The following ZNF565 variants were observed in gnomAD, a reference collection of about 807,000 sequenced individuals.
The protein encoded by ZNF565 is zinc finger protein 565.
Under a neutral mutation model 39.4 loss-of-function variants are expected in ZNF565, and 27 were observed. That is an observed-to-expected ratio of 0.69 (90% CI 0.51 to 0.95). The LOEUF is 0.95. ZNF565 is among the 40% of genes least tolerant of loss of function. The probability of loss-of-function intolerance (pLI) is 0.00; values close to 1 mark genes in which losing one functional copy is unlikely to be tolerated. For synonymous variants in ZNF565, 185 were observed against 216.6 expected (o/e 0.85, Z 1.28); for missense variants, 524 against 621.1 (o/e 0.84, Z 1.66).
At chr19:36,229,007 C>G (rs1977201984) in intron 1 of ZNF565, among the ~76,000 whole-genome samples, 2 of 152,198 alleles carry the variant, frequency 1.3e-5, no homozygotes, top group South Asian at 2.1e-4. Flanking sequence ...TCACCAGATT[C>G]TAGAGGGGCC....
chr19:36,195,239 C>A, intron 2 of ZNF565, 83 bp from the exon 3 acceptor site: 1 of 1,530,976 alleles, frequency 6.5e-7, no homozygotes. Context: ...CACAAAAGTA[C>A]AGAGAATAGT....
At chr19:36,230,161 G>T (rs1273465830) in intron 1 of ZNF565, among the ~76,000 whole-genome samples, 1 of 152,224 alleles carries the variant, frequency 6.6e-6, no homozygotes, top group African/African-American at 2.4e-5. Context: ...TACTTTTTAA[G>T]TGGAATACAG....
chr19:36,194,325 A>G lies in ZNF565; in HGVS notation c.140T>C (p.Leu47Pro), dbSNP rs1975681004. Residue 47 changes from leucine (L) to proline (P), a missense_variant, in exon 4 of 5, where the codon CTC becomes CCC. Leu to Pro is a moderately conservative substitution (Grantham distance 98). Transcript: ENST00000304116. ...ENFGHLASLG[L>P]SISKPDVVSL... The stretch of plus-strand genomic sequence containing the variant: ...GACGACATCAGGCTTAGAAATGGAG[A>G]GTCCTGTTTACAGGAAAAGAAATGG... 1.9e-6 allele frequency: 3 copies of G among 1,608,232 alleles called. No homozygotes were observed. Among genetic ancestry groups the G allele is most frequent in the Non-Finnish European group, 2.5e-6 (3 of 1,177,118 alleles).
At position 36,245,712 on chromosome 19, in the gene ZNF565, C is replaced by G. The variant is rs2029893881; in HGVS notation, c.-182G>C. 1 of 599,772 alleles carries G rather than the reference C, an allele frequency of 1.7e-6. No individual in the cohort carries two copies. The highest frequency in any genetic ancestry group is 3.0e-6 in the Non-Finnish European group (1 of 335,348). 37.2% of individuals were successfully genotyped at this position (599,772 alleles called of 1,614,324 possible). A position where few individuals can be genotyped will look rare whatever the true frequency, so the allele number is the denominator to read the frequency against. On this transcript the variant is annotated 5_prime_UTR_variant, in exon 1 of 5. Transcript: ENST00000355114. This position sits in a 1 kb window ranked among gnomAD's most constrained non-coding sequence, Gnocchi z 4.4. Reference sequence around the variant, plus strand: ...TAAGGACCCTCCGTTGACGATGCCTCGAGCTATGACCCACCCTGGCTCCGT... The same window carrying G: ...TAAGGACCCTCCGTTGACGATGCCTGGAGCTATGACCCACCCTGGCTCCGT...
At chr19:36,211,794 A>G in intron 1 of ZNF565, among the ~76,000 whole-genome samples, 1 of 145,258 alleles carries the variant, frequency 6.9e-6, no homozygotes, top group South Asian at 2.2e-4. Flanking sequence ...CTCTGTCTCA[A>G]AAAAAACAAA....
chr19:36,194,282 C>A lies in ZNF565; in HGVS notation c.183G>T (p.Gly61=). The A allele has an allele frequency of 6.2e-7, 1 of 1,613,070 alleles. No homozygotes were observed. Among genetic ancestry groups the A allele is most frequent in the Non-Finnish European group, 8.5e-7 (1 of 1,179,576 alleles). ...KPDVVSLLEQ[G]KEPWMIANDV... ...CATTTGCAATCATCCAGGGCTCTTT[C>A]CCTTGCTCCAATAAGGAGACGACAT... Residue 61 remains glycine (G), a synonymous_variant, in exon 4 of 5, where the codon GGG becomes GGT. Coordinates refer to ENST00000304116, the MANE Select transcript of ZNF565 (RefSeq NM_152477.5).
chr19:36,235,207 CAAAAA>C (rs112972407), intron 1 of ZNF565, among the ~76,000 whole-genome samples: 1 of 121,586 alleles, frequency 8.2e-6, no homozygotes, highest in Non-Finnish European at 1.7e-5. Flanking sequence ...AATTCCGTCT[CAAAAA>C]AAAAAAAAGA....
At chr19:36,206,658 C>T (rs986203888) in intron 1 of ZNF565, among the ~76,000 whole-genome samples, 1 of 151,986 alleles carries the variant, frequency 6.6e-6, no homozygotes, top group Non-Finnish European at 1.5e-5. Flanking sequence ...TGGTGAAATG[C>T]CGTCTCTACT....
intron 1 of ZNF565, among the ~76,000 whole-genome samples, chr19:36,231,179 A>G (rs1977348524): frequency 6.6e-6 from 1 of 152,132 alleles, no homozygotes; most frequent in African/African-American, 2.4e-5. Flanking sequence ...CCTGACCAAC[A>G]TGGAGAAACC....
chr19:36,211,331 A>C (rs761984570), intron 1 of ZNF565, among the ~76,000 whole-genome samples: 1 of 151,674 alleles, frequency 6.6e-6, no homozygotes, highest in Non-Finnish European at 1.5e-5. Context: ...TAATCCCAGA[A>C]ACTTGGGAGG....
intron 1 of ZNF565, among the ~76,000 whole-genome samples, chr19:36,238,935 C>G (rs941710650): frequency 6.6e-6 from 1 of 152,092 alleles, no homozygotes; most frequent in Non-Finnish European, 1.5e-5. Flanking sequence ...GAGCGCGAAC[C>G]CTATTGGGAA....
chr19:36,184,518 G>T (rs1975220546), intron 4 of ZNF565, among the ~76,000 whole-genome samples: 1 of 151,812 alleles, frequency 6.6e-6, no homozygotes, highest in South Asian at 2.1e-4. Flanking sequence ...ACCCGCCCTG[G>T]CCTCCCAAAG....
chr19:36,204,414 G>A lies in ZNF565; in HGVS notation c.-65-2364C>T, dbSNP rs989231323. On this transcript the variant is annotated intron_variant, in intron 1 of 4. Coordinates refer to ENST00000304116, the MANE Select transcript of ZNF565 (RefSeq NM_152477.5). ...CAGTGGCAAAAACACTGGACTGAAA[G>A]CAAATGGTGTATTTGGGAGACTAAG... Among the ~76,000 whole-genome samples, 4 of 152,200 alleles carry A rather than the reference G, an allele frequency of 2.6e-5. No individual in the cohort carries two copies. The South Asian group carries it at 6.2e-4, about 24-fold the overall frequency.
In ZNF565 at chr19:36,195,109, T is replaced by C. The variant is rs750216921; in HGVS notation, c.57A>G (p.Glu19=). 14 of 1,614,168 alleles carry C rather than the reference T, an allele frequency of 8.7e-6. No homozygotes were observed. Among genetic ancestry groups the C allele is most frequent in the Non-Finnish European group, 1.2e-5 (14 of 1,180,024 alleles). ...RDVAIEFSLE[E]WKCLEPAQRD... The stretch of plus-strand genomic sequence containing the variant: ...TCTGAGCAGGTTCCAGGCACTTCCA[T>C]TCTTCCAGAGAGAACTCTATGGCCA... The change falls in exon 3 of 5, where the codon GAA becomes GAG. Residue 19 remains glutamate (E), a synonymous_variant. Coordinates refer to ENST00000304116, the MANE Select transcript of ZNF565 (RefSeq NM_152477.5).
intron 2 of ZNF565, among the ~76,000 whole-genome samples, chr19:36,198,937 G>A (rs911120436): frequency 6.6e-6 from 1 of 152,092 alleles, no homozygotes; most frequent in Non-Finnish European, 1.5e-5. Flanking sequence ...TAACTGGATT[G>A]TTTATAACTC....
intron 1 of ZNF565, among the ~76,000 whole-genome samples, chr19:36,239,840 T>A (rs1458535392): frequency 6.6e-6 from 1 of 152,208 alleles, no homozygotes; most frequent in Non-Finnish European, 1.5e-5. Context: ...TTTTTTATTC[T>A]TTGATCACAT....
At chr19:36,227,032 G>A (rs552065709) in intron 1 of ZNF565, among the ~76,000 whole-genome samples, 5 of 148,366 alleles carry the variant, frequency 3.4e-5, no homozygotes, top group South Asian at 2.1e-4. Flanking sequence ...GCAGTGAGCC[G>A]AGATCGCACC....
At chr19:36,237,355 C>T (rs958428927) in intron 1 of ZNF565, 1 of 1,551,716 alleles carries the variant, frequency 6.4e-7, no homozygotes, top group Non-Finnish European at 8.7e-7. Context: ...GGAAAGCTTT[C>T]ATTAGAAATT....
At chr19:36,225,782 A>T (rs775063027) in intron 1 of ZNF565, among the ~76,000 whole-genome samples, 1 of 90,828 alleles carries the variant, frequency 1.1e-5, no homozygotes, top group African/African-American at 4.5e-5. Context: ...TTTTTTTGAG[A>T]CAGGGTCTTG....
Sources: gnomAD v4.1 joint callset for allele counts (sites outside exome capture counted in the v4.1 genomes callset) on GRCh38, gnomAD v4.1.1 for gene constraint, Gnocchi (gnomAD v3.1) non-coding constraint, MANE v1.5 for transcripts, NCBI Gene and HGNC (gene_info 2026-07-23, HGNC 2026-07-21) for gene names.